CACNA2D3: variants seen among roughly 807,000 people sequenced by gnomAD.
The protein encoded by CACNA2D3 is calcium voltage-gated channel auxiliary subunit alpha2delta 3, also known as voltage-dependent calcium channel subunit alpha-2/delta-3.
CACNA2D3 carries 60 observed loss-of-function variants against 160.6 expected under a neutral mutation model. The ratio of observed to expected loss-of-function variants is 0.37; its 90% CI spans 0.30 to 0.46. CACNA2D3 has a LOEUF of 0.46. Ranked by LOEUF, CACNA2D3 falls within the 20% of genes least tolerant of loss-of-function variation. The pLI, the probability that CACNA2D3 is intolerant of heterozygous loss-of-function variation, is 1.00. For missense variants in CACNA2D3, 1,205 were observed against 1,365.0 expected, an observed-to-expected ratio of 0.88 and a Z score of 1.85; for synonymous variants, 558 against 492.9, an observed-to-expected ratio of 1.13 and a Z score of -1.75.
intron 11 of CACNA2D3, among the ~76,000 whole-genome samples, chr3:54,674,565 G>T (rs1018084219): frequency 1.4e-4 from 21 of 152,314 alleles, no homozygotes; most frequent in African/African-American, 4.1e-4. Flanking sequence ...GCCATATTTA[G>T]CTGCTTGGGT....
At chr3:54,874,376 A>G (rs1699612124) in intron 18 of CACNA2D3, among the ~76,000 whole-genome samples, 1 of 152,138 alleles carries the variant, frequency 6.6e-6, no homozygotes, top group Non-Finnish European at 1.5e-5. Context: ...TTGCCAGTGT[A>G]GATCCCCTCT....
At chr3:54,676,480 G>C (rs1700246834) in intron 11 of CACNA2D3, among the ~76,000 whole-genome samples, 1 of 152,148 alleles carries the variant, frequency 6.6e-6, no homozygotes, top group South Asian at 2.1e-4. Context: ...GACATTTATT[G>C]TTGGGTTGTA....
At chr3:54,262,995 G>A (rs1483090221) in intron 2 of CACNA2D3, among the ~76,000 whole-genome samples, 1 of 152,054 alleles carries the variant, frequency 6.6e-6, no homozygotes, top group Non-Finnish European at 1.5e-5. Context: ...TCCACCCCAG[G>A]TAGTCACTAT....
At chr3:54,132,543 C>T (rs1699733161) in intron 2 of CACNA2D3, among the ~76,000 whole-genome samples, 1 of 152,102 alleles carries the variant, frequency 6.6e-6, no homozygotes. Context: ...TTGAAAAAGT[C>T]AACAGTATAC....
intron 35 of CACNA2D3, among the ~76,000 whole-genome samples, chr3:55,072,232 C>T (rs957132039): frequency 6.6e-6 from 1 of 152,166 alleles, no homozygotes. Flanking sequence ...TGCACAGTGG[C>T]AAGCCCTGTG....
intron 27 of CACNA2D3, among the ~76,000 whole-genome samples, chr3:54,905,579 A>G (rs1233509908): frequency 6.6e-6 from 1 of 152,216 alleles, no homozygotes; most frequent in East Asian, 1.9e-4. Context: ...TTTGGCAAAA[A>G]TGAAAACTTA....
chr3:54,461,853 T>G (rs546412175), intron 4 of CACNA2D3, among the ~76,000 whole-genome samples: 7 of 152,362 alleles, frequency 4.6e-5, no homozygotes, highest in African/African-American at 1.4e-4. Context: ...TTTCTAGTTC[T>G]TTTAATTGTG....
intron 14 of CACNA2D3, among the ~76,000 whole-genome samples, chr3:54,822,778 C>CTTTTCT (rs879763620): frequency 3.7e-5 from 3 of 81,394 alleles, no homozygotes; most frequent in South Asian, 8.7e-4. Context: ...TTCTTTCTTT[C>CTTTTCT]TTTCTTTCTT....
At chr3:54,268,225 T>G (rs1702556515) in intron 2 of CACNA2D3, among the ~76,000 whole-genome samples, 1 of 152,170 alleles carries the variant, frequency 6.6e-6, no homozygotes, top group African/African-American at 2.4e-5. Context: ...ACTGCTTGTC[T>G]GTTCTGGGTC....
At chr3:54,710,454 G>A (rs763927608) in intron 11 of CACNA2D3, among the ~76,000 whole-genome samples, 5 of 152,152 alleles carry the variant, frequency 3.3e-5, no homozygotes, top group Admixed American at 6.5e-5. Context: ...CAACTTTAAC[G>A]TGCGGTCTTG....
At chr3:54,929,999 C>T (rs1291871799) in intron 27 of CACNA2D3, among the ~76,000 whole-genome samples, 1 of 152,054 alleles carries the variant, frequency 6.6e-6, no homozygotes, top group Non-Finnish European at 1.5e-5. Flanking sequence ...TTGTGAAGGC[C>T]AGATAGTAAA....
At chr3:54,329,157 C>T (rs1461864014) in intron 3 of CACNA2D3, among the ~76,000 whole-genome samples, 1 of 152,104 alleles carries the variant, frequency 6.6e-6, no homozygotes, top group Non-Finnish European at 1.5e-5. Context: ...TGTGTATTAG[C>T]CATTTCTTCT....
At chr3:54,927,963 G>A (rs754924643) in intron 27 of CACNA2D3, 12 of 1,585,692 alleles carry the variant, frequency 7.6e-6, no homozygotes, top group African/African-American at 1.3e-5. Context: ...TTTAATTAAT[G>A]TGCAGAGCAA....
chr3:54,920,886 G>C (rs764460714), intron 27 of CACNA2D3, among the ~76,000 whole-genome samples: 1 of 152,128 alleles, frequency 6.6e-6, no homozygotes, highest in Non-Finnish European at 1.5e-5. Flanking sequence ...TCTGTTGTTC[G>C]GTATTAAGGT....
At chr3:54,533,791 A>G (rs900510568) in intron 5 of CACNA2D3, among the ~76,000 whole-genome samples, 18 of 75,850 alleles carry the variant, frequency 2.4e-4, no homozygotes, top group Non-Finnish European at 4.0e-4. Flanking sequence ...TGAAATGGAA[A>G]ATAGTGTGTG....
At chr3:54,308,504 C>T (rs1703658880) in intron 2 of CACNA2D3, among the ~76,000 whole-genome samples, 1 of 152,128 alleles carries the variant, frequency 6.6e-6, no homozygotes, top group African/African-American at 2.4e-5. Flanking sequence ...TTGGGAGGAT[C>T]CTGGGTCCCT....
intron 11 of CACNA2D3, among the ~76,000 whole-genome samples, chr3:54,746,684 A>C (rs1701758580): frequency 6.6e-6 from 1 of 152,236 alleles, no homozygotes. Flanking sequence ...ATTTGTAGTT[A>C]AATGTTTTTT....
intron 11 of CACNA2D3, among the ~76,000 whole-genome samples, chr3:54,688,829 C>T (rs549360373): frequency 6.6e-6 from 1 of 151,318 alleles, no homozygotes; most frequent in South Asian, 2.1e-4. Context: ...GGTGAAACCG[C>T]GTCTCTACTA....
rs960340871 is a variant in CACNA2D3, at chr3:54,664,255, C to T, written c.1167+22014C>T. On this transcript the variant is annotated intron_variant, in intron 11 of 37. Transcript: ENST00000474759. The stretch of plus-strand genomic sequence containing the variant: ...TGCACAACAAGGCCAGTGGTGTCCC[C>T]GTGCCATGGGTAAGGCCAGTAGTGG... 7.2e-5 allele frequency among the ~76,000 whole-genome samples: 11 copies of T among 152,312 alleles called. No individual in the cohort carries two copies. The South Asian group carries it at 8.3e-4, about 11-fold the overall frequency.
Sources: allele counts gnomAD v4.1 joint callset (sites outside exome capture counted in the v4.1 genomes callset), GRCh38; gene constraint gnomAD v4.1.1; transcripts MANE v1.5; gene names NCBI Gene and HGNC (gene_info 2026-07-23, HGNC 2026-07-21).